The following TNIP1 variants were observed in gnomAD, a reference collection of about 807,000 sequenced individuals.
TNIP1 encodes the protein TNFAIP3-interacting protein 1.
In TNIP1, 22 loss-of-function variants were observed where a neutral mutation model predicts 86.6. That is an observed-to-expected ratio of 0.25 (90% CI 0.18 to 0.36). The LOEUF is 0.36. TNIP1 is among the 10% of genes least tolerant of loss of function. The pLI is 1.00. For missense variants in TNIP1, 709 were observed against 820.6 expected (o/e 0.86, Z 1.66); for synonymous variants, 294 against 313.0 (o/e 0.94, Z 0.64).
At chr5:151,041,163 C>G (rs193208475) in intron 11 of TNIP1, among the ~76,000 whole-genome samples, 1 of 151,886 alleles carries the variant, frequency 6.6e-6, no homozygotes, top group Non-Finnish European at 1.5e-5. Flanking sequence ...CTCCGCCTCC[C>G]GGGTTCAAGC....
At chr5:151,038,790 C>T (rs1281865846) in intron 12 of TNIP1, among the ~76,000 whole-genome samples, 1 of 152,116 alleles carries the variant, frequency 6.6e-6, no homozygotes, top group African/African-American at 2.4e-5. Context: ...CCAGGGCAAC[C>T]TGAATGAGAT....
At chr5:151,033,082 T>G (rs1757115401) in intron 16 of TNIP1, among the ~76,000 whole-genome samples, 1 of 126,384 alleles carries the variant, frequency 7.9e-6, no homozygotes, top group African/African-American at 3.1e-5. Flanking sequence ...GCCGAGATCG[T>G]ATCACTGCAC....
chr5:151,044,037 TA>T (rs1305518918), intron 9 of TNIP1, among the ~76,000 whole-genome samples: 3 of 152,186 alleles, frequency 2.0e-5, no homozygotes, highest in Non-Finnish European at 4.4e-5. Flanking sequence ...TAGCATATGT[TA>T]TAGATATGAA....
intron 6 of TNIP1, among the ~76,000 whole-genome samples, chr5:151,053,719 C>G (rs904761820): frequency 6.6e-6 from 1 of 152,234 alleles, no homozygotes; most frequent in Admixed American, 6.5e-5. Flanking sequence ...TCTCCATATA[C>G]TGCCTCACTG....
chr5:151,056,568 A>G (rs958197982), intron 6 of TNIP1, among the ~76,000 whole-genome samples, 198 bp downstream of exon 6: 1 of 151,100 alleles, frequency 6.6e-6, no homozygotes, highest in Admixed American at 6.6e-5. Context: ...GTATTTCCCC[A>G]TTTCCTTCCT....
At chr5:151,063,976 G>A (rs1481708893) in intron 2 of TNIP1, among the ~76,000 whole-genome samples, 1 of 152,112 alleles carries the variant, frequency 6.6e-6, no homozygotes, top group Non-Finnish European at 1.5e-5. Flanking sequence ...ACACAGGAGC[G>A]GAAGGAATCT....
intron 1 of TNIP1, among the ~76,000 whole-genome samples, chr5:151,071,416 G>C (rs905211288): frequency 6.6e-6 from 1 of 152,072 alleles, no homozygotes; most frequent in African/African-American, 2.4e-5. Context: ...CTAAAAAGAG[G>C]GAGCTGCAAA....
rs72220408 is a variant in TNIP1, at chr5:151,059,866, T to TGCGCGC, written c.435+446_435+451dup. On this transcript the variant is annotated intron_variant, in intron 5 of 17. Transcript: ENST00000521591. ...GTGTGTGTGTGTGTGTGTGTGTGTGTGCGCGCGCGCGCGCGCATGCGTGTA... is the reference window on the plus strand; with the variant it reads ...GTGTGTGTGTGTGTGTGTGTGTGTGTGCGCGCGCGCGCGCGCGCGCGCATGCGTGTA... Among the ~76,000 whole-genome samples the TGCGCGC allele has an allele frequency of 2.3e-3, 194 of 82,710 alleles. 3 individuals carry two copies. The highest frequency in any genetic ancestry group is 3.1e-3 in the Admixed American group (22 of 6,996). 54.3% of individuals were successfully genotyped at this position (82,710 alleles called of 152,430 possible).
intron 17 of TNIP1, among the ~76,000 whole-genome samples, chr5:151,031,057 G>GTTC (rs892429771): frequency 3.3e-5 from 5 of 152,196 alleles, no homozygotes; most frequent in Non-Finnish European, 7.3e-5. Flanking sequence ...TCCTGGAGCA[G>GTTC]TTCTGGGGAG....
At position 151,073,362 on chromosome 5, in the gene TNIP1, T is replaced by C. The variant is rs116120899; in HGVS notation, c.-37+7518A>G. On this transcript the variant is annotated intron_variant, in intron 1 of 17. Coordinates refer to ENST00000521591, the MANE Select transcript of TNIP1 (RefSeq NM_006058.5). Reference sequence around the variant, plus strand: ...AGTACACAGAAGCTGGACAAAAATATGCACTGCCACATGCTTTGTAATAGA... The same window carrying C: ...AGTACACAGAAGCTGGACAAAAATACGCACTGCCACATGCTTTGTAATAGA... 2.3e-3 allele frequency among the ~76,000 whole-genome samples: 349 copies of C among 152,194 alleles called. 1 individual carries two copies. The highest frequency in any genetic ancestry group is 8.1e-3 in the African/African-American group (337 of 41,516).
chr5:151,080,714 C>T (rs71586195), intron 1 of TNIP1, among the ~76,000 whole-genome samples, 166 bp downstream of exon 1: 2,345 of 152,334 alleles, frequency 0.015, 35 homozygotes, highest in Non-Finnish European at 0.027. Context: ...AGTAGCGGCT[C>T]AGCCCGGCTT....
chr5:151,048,596 G>A (rs12655899), intron 8 of TNIP1, among the ~76,000 whole-genome samples: 15,430 of 152,226 alleles, frequency 0.1, 1,662 homozygotes, highest in East Asian at 0.43. Flanking sequence ...TCTCAGGAAG[G>A]GCAGGAAGAG....
chr5:151,074,787 G>A (rs1400941290), intron 1 of TNIP1, among the ~76,000 whole-genome samples: 2 of 152,188 alleles, frequency 1.3e-5, no homozygotes, highest in African/African-American at 2.4e-5. Context: ...CTGGAGATAC[G>A]AACATGAATG....
chr5:151,082,286 C>T (rs947622248), upstream of TNIP1, among the ~76,000 whole-genome samples: 1 of 152,168 alleles, frequency 6.6e-6, no homozygotes, highest in Non-Finnish European at 1.5e-5. Flanking sequence ...AAACGATATT[C>T]ATTCTAGTTT....
At position 151,062,160 on chromosome 5, in the gene TNIP1, G is replaced by T; in HGVS notation, c.324C>A (p.Asp108Glu). The T allele has an allele frequency of 6.2e-7, 1 of 1,614,200 alleles. No individual in the cohort carries two copies. The highest frequency in any genetic ancestry group is 8.5e-7 in the Non-Finnish European group (1 of 1,180,028). The change falls in exon 4 of 18, where the codon GAC (aspartate) becomes GAA (glutamate). Residue 108 changes from aspartate to glutamate, a missense_variant. By Grantham distance (45) the Asp-to-Glu change is conservative. Transcript: ENST00000521591. ...GAGGCTTCTGGACTGGTGCTGGCTT[G>T]TCACTGGGGCATGCAGGGGCTGTGG... ...ASPTAPACPS[D>E]KPAPVQKPPS...
At chr5:151,031,167 C>T (rs1756838612) in intron 17 of TNIP1, among the ~76,000 whole-genome samples, 1 of 152,174 alleles carries the variant, frequency 6.6e-6, no homozygotes, top group Admixed American at 6.5e-5. Context: ...CAGAAAATGA[C>T]TGAGCAGCCC....
intron 4 of TNIP1, among the ~76,000 whole-genome samples, chr5:151,061,787 T>A (rs1274073884): frequency 6.6e-6 from 1 of 152,212 alleles, no homozygotes; most frequent in East Asian, 1.9e-4. Flanking sequence ...CTGTAGAAGA[T>A]AGTTTCTGAG....
intron 15 of TNIP1, chr5:151,034,487 G>C (rs1757425114): frequency 3.5e-6 from 1 of 286,358 alleles, no homozygotes; most frequent in African/African-American, 2.5e-5. Flanking sequence ...GGCACAGAAG[G>C]CTCATACATG....
upstream of TNIP1, among the ~76,000 whole-genome samples, chr5:151,081,249 C>T (rs1764001849): frequency 6.6e-6 from 1 of 152,194 alleles, no homozygotes; most frequent in East Asian, 1.9e-4. Flanking sequence ...CTGGGGCCAC[C>T]GTCCCGGGCC....
Sources: gnomAD v4.1 joint callset for allele counts (sites outside exome capture counted in the v4.1 genomes callset) on GRCh38, gnomAD v4.1.1 for gene constraint, MANE v1.5 for transcripts, NCBI Gene and HGNC (gene_info 2026-07-23, HGNC 2026-07-21) for gene names.